The following TEX9 variants were observed in gnomAD, a reference collection of about 807,000 sequenced individuals.
TEX9 encodes testis-expressed protein 9.
A neutral mutation model predicts 59.6 loss-of-function variants in TEX9; 74 were observed. That is an observed-to-expected ratio of 1.24 (90% CI 1.03 to 1.51). The LOEUF is 1.51. Ranked by LOEUF, TEX9 falls within the 40% of genes most tolerant of loss-of-function variation. TEX9 has a pLI of 0.00. For missense variants in TEX9, 522 were observed against 447.8 expected (o/e 1.17, Z -1.49); for synonymous variants, 186 against 152.2 (o/e 1.22, Z -1.64).
chr15:56,279,036 A>G (rs1002890643), intron 1 of TEX9, among the ~76,000 whole-genome samples: 4 of 152,118 alleles, frequency 2.6e-5, no homozygotes, highest in Non-Finnish European at 5.9e-5. Context: ...CTAATTGCGT[A>G]TTTGGAACAT....
downstream of TEX9, among the ~76,000 whole-genome samples, chr15:56,446,452 G>T (rs1056721172): frequency 8.6e-5 from 13 of 151,962 alleles, no homozygotes; most frequent in Middle Eastern, 3.4e-3. Flanking sequence ...TATAAAACTG[G>T]AAAGTTTCCT....
At chr15:56,298,210 A>G (rs2045261691) in intron 1 of TEX9, among the ~76,000 whole-genome samples, 1 of 152,186 alleles carries the variant, frequency 6.6e-6, no homozygotes, top group Non-Finnish European at 1.5e-5. Context: ...AAATTTCTAG[A>G]CCACTTCTAT....
chr15:56,244,994 C>A (rs1166351459), intron 1 of TEX9, among the ~76,000 whole-genome samples: 1 of 152,132 alleles, frequency 6.6e-6, no homozygotes, highest in Non-Finnish European at 1.5e-5. Context: ...CTCACACTGA[C>A]CTTTCTTTGG....
At chr15:56,443,907 G>C in intron 12 of TEX9, 1 of 1,307,402 alleles carries the variant, frequency 7.6e-7, no homozygotes, top group Non-Finnish European at 1.0e-6. Context: ...ATATAAAAAA[G>C]TAATTTCATT....
At chr15:56,280,812 T>A (rs1347257161) in intron 1 of TEX9, among the ~76,000 whole-genome samples, 1 of 152,194 alleles carries the variant, frequency 6.6e-6, no homozygotes, top group Non-Finnish European at 1.5e-5. Flanking sequence ...TAAGACTGAG[T>A]ATTAATTAGA....
chr15:56,293,316 G>A (rs998245892), intron 1 of TEX9, among the ~76,000 whole-genome samples: 6 of 152,150 alleles, frequency 3.9e-5, no homozygotes, highest in South Asian at 2.1e-4. Flanking sequence ...CAGCATGGGC[G>A]ACAGAGTGAG....
chr15:56,388,343 G>C (rs1035038109), intron 4 of TEX9, 129 bp from the exon 5 acceptor site: 18 of 654,888 alleles, frequency 2.7e-5, no homozygotes, highest in Middle Eastern at 4.4e-4. Flanking sequence ...TAACATGTGG[G>C]TAACTAGAAT....
exon 1 of TEX9, chr15:56,244,052 G>C (rs1437642547): frequency 6.6e-6 from 1 of 151,318 alleles, no homozygotes; most frequent in African/African-American, 2.4e-5. Flanking sequence ...AGTCCGGCCC[G>C]GCTGGTGGAG....
At chr15:56,283,477 T>A (rs12592765) in intron 1 of TEX9, among the ~76,000 whole-genome samples, 9,262 of 152,196 alleles carry the variant, frequency 0.061, 691 homozygotes, top group East Asian at 0.37. Context: ...ATGAATCCAA[T>A]GTACATAAAA....
At chr15:56,278,313 A>C (rs928831368) in intron 1 of TEX9, among the ~76,000 whole-genome samples, 4 of 152,224 alleles carry the variant, frequency 2.6e-5, no homozygotes, top group African/African-American at 9.6e-5. Flanking sequence ...GAGATGATGT[A>C]TATTCCACCA....
chr15:56,376,817 A>G (rs1451319332), intron 3 of TEX9, among the ~76,000 whole-genome samples: 2 of 152,014 alleles, frequency 1.3e-5, no homozygotes, highest in Non-Finnish European at 2.9e-5. Flanking sequence ...TACTCAAGAA[A>G]TCTTTGTCTA....
At chr15:56,399,678 G>A (rs1331026761) in intron 9 of TEX9, among the ~76,000 whole-genome samples, 1 of 152,236 alleles carries the variant, frequency 6.6e-6, no homozygotes, top group African/African-American at 2.4e-5. Context: ...CCTGACCCCT[G>A]TGTATCCTAA....
At chr15:56,266,779 A>G (rs1457244191) in intron 1 of TEX9, among the ~76,000 whole-genome samples, 1 of 152,218 alleles carries the variant, frequency 6.6e-6, no homozygotes, top group African/African-American at 2.4e-5. Flanking sequence ...TAGTGCTGCA[A>G]TAAACATACG....
intron 1 of TEX9, among the ~76,000 whole-genome samples, chr15:56,252,132 GTC>G (rs2044036457): frequency 6.6e-6 from 1 of 152,074 alleles, no homozygotes; most frequent in Non-Finnish European, 1.5e-5. Context: ...TGTGTTAGCT[GTC>G]TCTTTTCTGT....
At chr15:56,402,034 G>T (rs1411345061) in intron 9 of TEX9, among the ~76,000 whole-genome samples, 1 of 152,194 alleles carries the variant, frequency 6.6e-6, no homozygotes, top group African/African-American at 2.4e-5. Flanking sequence ...AAGCAGGAAA[G>T]ATCTAAAATT....
At chr15:56,318,942 A>G (rs1164990725) in intron 1 of TEX9, among the ~76,000 whole-genome samples, 2 of 152,142 alleles carry the variant, frequency 1.3e-5, no homozygotes, top group East Asian at 3.9e-4. Context: ...AAAGAACTCT[A>G]CGCTATTACA....
At chr15:56,434,600 C>T (rs188657729) in intron 12 of TEX9, among the ~76,000 whole-genome samples, 1 of 152,174 alleles carries the variant, frequency 6.6e-6, no homozygotes, top group East Asian at 1.9e-4. Context: ...TTTTCTGTTA[C>T]TCATGAACAA....
At chr15:56,324,166 A>T (rs2045966561) in intron 1 of TEX9, among the ~76,000 whole-genome samples, 1 of 141,294 alleles carries the variant, frequency 7.1e-6, no homozygotes. Context: ...TTAACTAAAT[A>T]TCACTCTGTA....
intron 1 of TEX9, among the ~76,000 whole-genome samples, chr15:56,315,226 A>T (rs2045725595): frequency 1.5e-5 from 2 of 133,564 alleles, no homozygotes; most frequent in African/African-American, 2.7e-5. Flanking sequence ...TCGTTAGTTG[A>T]TGCAGTTTCT....
Sources: gnomAD v4.1 joint callset for allele counts (sites outside exome capture counted in the v4.1 genomes callset) on GRCh38, gnomAD v4.1.1 for gene constraint, MANE v1.5 for transcripts, NCBI Gene and HGNC (gene_info 2026-07-23, HGNC 2026-07-21) for gene names.